The following OGG1 variants were observed in gnomAD, a reference collection of about 807,000 sequenced individuals.
The protein encoded by OGG1 is 8-oxoguanine DNA glycosylase.
Under a neutral mutation model 42.3 loss-of-function variants are expected in OGG1, and 35 were observed. The observed-to-expected ratio is 0.83, with a 90% CI of 0.63 to 1.10. The LOEUF (loss-of-function observed/expected upper bound fraction) is 1.10, where lower values mean the gene tolerates loss of function less well. Ranked by LOEUF, OGG1 falls within the 50% of genes least tolerant of loss-of-function variation. OGG1 has a pLI of 0.00. For missense variants in OGG1, 484 were observed against 446.7 expected (o/e 1.08, Z -0.75); for synonymous variants, 189 against 179.0 (o/e 1.06, Z -0.44).
rs115985271 is a variant in OGG1, at chr3:9,754,293, G to A, written c.566-411G>A. Among the ~76,000 whole-genome samples, 620 of 152,336 alleles carry A rather than the reference G, an allele frequency of 4.1e-3. 4 individuals are homozygous for A. The highest frequency in any genetic ancestry group is 0.014 in the African/African-American group (578 of 41,572). Reference sequence around the variant, plus strand: ...AGCAGTACTGTCAGTGGGGTTCTTGGGAAAAGTAAGCATGATAATATATCT... The same window carrying A: ...AGCAGTACTGTCAGTGGGGTTCTTGAGAAAAGTAAGCATGATAATATATCT... On this transcript the variant is annotated intron_variant, in intron 3 of 6. Coordinates refer to ENST00000344629, the MANE Select transcript of OGG1 (RefSeq NM_002542.6).
intron 2 of OGG1, among the ~76,000 whole-genome samples, chr3:9,777,372 T>G (rs1041733450): frequency 2.0e-5 from 3 of 152,220 alleles, no homozygotes; most frequent in Admixed American, 2.0e-4. Flanking sequence ...ATCTTTTGGC[T>G]CCAGCAGACA....
At chr3:9,778,712 C>T (rs1237234390) in intron 2 of OGG1, among the ~76,000 whole-genome samples, 1 of 152,150 alleles carries the variant, frequency 6.6e-6, no homozygotes, top group Non-Finnish European at 1.5e-5. Context: ...TGGAGGGCCT[C>T]GAGTGACCCA....
At chr3:9,783,960 A>T (rs939587763) in intron 3 of OGG1, 2 of 1,525,600 alleles carry the variant, frequency 1.3e-6, no homozygotes, top group African/African-American at 2.8e-5. Context: ...AAAACCCCTG[A>T]AAGGTGACTA....
chr3:9,788,590 AAT>A (rs1254095966), downstream of OGG1, among the ~76,000 whole-genome samples: 1 of 150,850 alleles, frequency 6.6e-6, no homozygotes, highest in African/African-American at 2.4e-5. Context: ...CCCAGGCTGG[AAT>A]ACAGTGGCAC....
intron 3 of OGG1, among the ~76,000 whole-genome samples, chr3:9,786,034 G>A (rs2078600614): frequency 6.6e-6 from 1 of 152,076 alleles, no homozygotes; most frequent in Non-Finnish European, 1.5e-5. Flanking sequence ...CGCCTCCTGG[G>A]TTCATGCCAT....
downstream of OGG1, among the ~76,000 whole-genome samples, chr3:9,770,366 CT>C (rs1015152666): frequency 6.6e-6 from 1 of 152,048 alleles, no homozygotes; most frequent in Non-Finnish European, 1.5e-5. Context: ...GGCCCTGGAA[CT>C]GCACGGGAGT....
intron 3 of OGG1, chr3:9,784,115 T>A (rs1262618238): frequency 3.1e-6 from 5 of 1,614,136 alleles, no homozygotes; most frequent in Non-Finnish European, 4.2e-6. Flanking sequence ...AAGGACCTCA[T>A]CCTCGGAGTC....
At chr3:9,750,517 A>G in intron 1 of OGG1, 94 bp downstream of exon 1, 2 of 1,560,610 alleles carry the variant, frequency 1.3e-6, no homozygotes, top group South Asian at 1.1e-5. Context: ...TTGGGGGATG[A>G]TGGAAGAAAC....
intron 3 of OGG1, among the ~76,000 whole-genome samples, chr3:9,781,889 G>A (rs1464959659): frequency 7.0e-6 from 1 of 143,858 alleles, no homozygotes; most frequent in Non-Finnish European, 1.5e-5. Flanking sequence ...ACCCAGGCTG[G>A]AGTACAGTGG....
rs1007059452 is a variant in OGG1, at chr3:9,754,593, G to A, written c.566-111G>A. 3.4e-6 allele frequency: 4 copies of A among 1,162,314 alleles called. No individual in the cohort carries two copies. The African/African-American group carries it at 6.1e-5, about 18-fold the overall frequency. The allele number at this position is 1,162,314 out of a possible 1,614,324, so 72.0% of individuals were successfully genotyped here. ...TATCCCATAGAGGGTGGGGAGGTAGGAGGGGAACTTAGGAAAAGCACTCTT... is the reference window on the plus strand; with the variant it reads ...TATCCCATAGAGGGTGGGGAGGTAGAAGGGGAACTTAGGAAAAGCACTCTT... On this transcript the variant is annotated intron_variant, in intron 3 of 6. Transcript: ENST00000344629.
At chr3:9,787,592 C>T (rs1435729671) in intron 3 of OGG1, 3 of 1,066,538 alleles carry the variant, frequency 2.8e-6, no homozygotes, top group African/African-American at 1.6e-5. Context: ...ATAGAAGGTG[C>T]AGAATACGTA....
chr3:9,760,573 A>G (rs2077808935), downstream of OGG1: 82 of 1,387,300 alleles, frequency 5.9e-5, no homozygotes, highest in South Asian at 8.1e-4. Flanking sequence ...GACAGAAGGA[A>G]GGCAGGAGGG....
At chr3:9,756,740 A>T (rs778134237) in intron 5 of OGG1, 27 bp from the exon 6 acceptor site, 2 of 1,614,116 alleles carry the variant, frequency 1.2e-6, no homozygotes, top group Admixed American at 1.7e-5. Flanking sequence ...GGGGTCAGAT[A>T]ACTTAGTCTC....
Position 9,785,217 on chromosome 3 carries a change from C to T in OGG1, c.383-2511C>T, listed in dbSNP as rs950934014. The T allele has an allele frequency of 2.1e-5, 19 of 884,900 alleles. No homozygotes were observed. The East Asian group carries it at 4.7e-4, about 22-fold the overall frequency. 54.8% of individuals were successfully genotyped at this position (884,900 alleles called of 1,614,324 possible). ...CTGCTATTAGGCTTCACCTAACTGC[C>T]CCCAGCCTCTTACTGATGAGGACTT... On this transcript the variant is annotated intron_variant, in intron 3 of 3. Coordinates refer to the OGG1 transcript ENST00000426518.
chr3:9,789,432 C>CT, downstream of OGG1: 1 of 1,360,782 alleles, frequency 7.3e-7, no homozygotes. Context: ...TGATGCATGG[C>CT]TTTGGTAGCT....
At chr3:9,759,512 C>T, downstream of OGG1, 1 of 1,614,130 alleles carries the variant, frequency 6.2e-7, no homozygotes, top group Non-Finnish European at 8.5e-7. Context: ...TGGCAAAGTT[C>T]TTCTTGATCT....
At chr3:9,762,835 G>T in intron 7 of OGG1, 2 of 1,445,792 alleles carry the variant, frequency 1.4e-6, no homozygotes, top group African/African-American at 1.4e-5. Flanking sequence ...GGTGAAAGTT[G>T]CCCAAGGTCA....
Position 9,750,492 on chromosome 3 carries a change from G to A in OGG1, c.137+69G>A. 8 of 1,600,156 alleles carry A rather than the reference G, an allele frequency of 5.0e-6. No individual in the cohort carries two copies. The South Asian group carries it at 6.7e-5, about 13-fold the overall frequency. On this transcript the variant is annotated intron_variant, in intron 1 of 6. Transcript: ENST00000344629. ...CTGCCGCCTCAACACTGCCTGGCAT[G>A]GGGTACAAAGGAATTTGGGGGATGA...
chr3:9,750,139 A>G lies in OGG1; in HGVS notation c.-148A>G. ...GGGCGAGGCATGCAGGAGGTGGAGG[A>G]ATTAAGTGAAACAGGGAAGGTTGTT... On this transcript the variant is annotated 5_prime_UTR_variant, in exon 1 of 7. Transcript: ENST00000344629. 2.0e-6 allele frequency: 2 copies of G among 1,006,118 alleles called. No individual in the cohort carries two copies. The highest frequency in any genetic ancestry group is 2.5e-5 in the Admixed American group (1 of 40,294). 62.3% of individuals were successfully genotyped at this position (1,006,118 alleles called of 1,614,324 possible).
Sources: gnomAD v4.1 joint callset for allele counts (sites outside exome capture counted in the v4.1 genomes callset) on GRCh38, gnomAD v4.1.1 for gene constraint, MANE v1.5 for transcripts, NCBI Gene and HGNC (gene_info 2026-07-23, HGNC 2026-07-21) for gene names.